Variants in ADAMTS3 observed in about 807,000 individuals in gnomAD.
ADAMTS3 encodes the protein A disintegrin and metalloproteinase with thrombospondin motifs 3.
Under a neutral mutation model 129.0 loss-of-function variants are expected in ADAMTS3, and 73 were observed. The ratio of observed to expected loss-of-function variants is 0.57; its 90% CI spans 0.47 to 0.69. The LOEUF is 0.69. ADAMTS3 is among the 30% of genes least tolerant of loss of function. The pLI, the probability that ADAMTS3 is intolerant of heterozygous loss-of-function variation, is 0.00. For missense variants in ADAMTS3, 1,457 were observed against 1,514.5 expected (o/e 0.96, Z 0.63); for synonymous variants, 477 against 510.8 (o/e 0.93, Z 0.89).
chr4:72,547,506 G>T (rs788911), intron 3 of ADAMTS3, among the ~76,000 whole-genome samples: 52,655 of 151,826 alleles, frequency 0.35, 9,452 homozygotes, highest in African/African-American at 0.43. Flanking sequence ...CCTTTCATGC[G>T]ATCATCTCAT....
intron 17 of ADAMTS3, among the ~76,000 whole-genome samples, chr4:72,299,442 T>A (rs1377565037): frequency 6.6e-6 from 1 of 152,224 alleles, no homozygotes; most frequent in Non-Finnish European, 1.5e-5. Flanking sequence ...TGTTAATAAG[T>A]GTGTGGTAAC....
At chr4:72,308,656 C>T (rs1719150652) in intron 15 of ADAMTS3, among the ~76,000 whole-genome samples, 1 of 151,850 alleles carries the variant, frequency 6.6e-6, no homozygotes, top group African/African-American at 2.4e-5. Context: ...AGAAATTATT[C>T]AGTAATAAAT....
chr4:72,567,547 C>G, intron 1 of ADAMTS3, 146 bp from the exon 2 acceptor site: 3 of 760,338 alleles, frequency 3.9e-6, no homozygotes, highest in South Asian at 3.8e-5. Context: ...AAGCCTGCAC[C>G]TTGGTTTGTA....
At chr4:72,430,615 C>T (rs565102339) in intron 3 of ADAMTS3, among the ~76,000 whole-genome samples, 3 of 151,922 alleles carry the variant, frequency 2.0e-5, no homozygotes, top group Non-Finnish European at 4.4e-5. Context: ...AATCCATGAA[C>T]ATAGTAAATT....
chr4:72,515,462 AG>A (rs1720442247), intron 3 of ADAMTS3, among the ~76,000 whole-genome samples: 3 of 151,674 alleles, frequency 2.0e-5, no homozygotes, highest in African/African-American at 7.3e-5. Flanking sequence ...ACAGTGTAAA[AG>A]TGTTCCTATT....
At chr4:72,492,694 T>C (rs1719778652) in intron 3 of ADAMTS3, among the ~76,000 whole-genome samples, 2 of 151,832 alleles carry the variant, frequency 1.3e-5, no homozygotes, top group Admixed American at 1.3e-4. Flanking sequence ...GCGTGAAAAG[T>C]TCTGTATACA....
At chr4:72,389,135 G>A (rs981585997) in intron 4 of ADAMTS3, among the ~76,000 whole-genome samples, 65 of 152,216 alleles carry the variant, frequency 4.3e-4, no homozygotes, top group Non-Finnish European at 2.5e-4. Flanking sequence ...CTGGGAATGC[G>A]AACCCTTCTA....
chr4:72,349,952 A>C (rs1382535900), intron 4 of ADAMTS3, among the ~76,000 whole-genome samples: 1 of 152,040 alleles, frequency 6.6e-6, no homozygotes, highest in Non-Finnish European at 1.5e-5. Flanking sequence ...TTTTTATATC[A>C]TACACAGTTA....
At chr4:72,421,888 G>A (rs1162182359) in intron 3 of ADAMTS3, among the ~76,000 whole-genome samples, 1 of 151,886 alleles carries the variant, frequency 6.6e-6, no homozygotes, top group Non-Finnish European at 1.5e-5. Context: ...ACTTAAGAAA[G>A]GAAAAAAATC....
intron 3 of ADAMTS3, among the ~76,000 whole-genome samples, chr4:72,524,642 G>T (rs1309959517): frequency 2.6e-5 from 4 of 152,042 alleles, no homozygotes; most frequent in Admixed American, 6.5e-5. Context: ...GTAAAGCTGA[G>T]ATTCAGACTA....
chr4:72,438,490 A>G (rs930372328), intron 3 of ADAMTS3, among the ~76,000 whole-genome samples: 7 of 151,802 alleles, frequency 4.6e-5, no homozygotes, highest in African/African-American at 1.7e-4. Flanking sequence ...AAAATTAGTG[A>G]TAAGAATGTC....
intron 4 of ADAMTS3, among the ~76,000 whole-genome samples, chr4:72,395,108 A>G (rs1362539508): frequency 1.3e-5 from 2 of 152,160 alleles, no homozygotes; most frequent in East Asian, 3.8e-4. Flanking sequence ...TATTTTTAGT[A>G]GAGATGGGGT....
At chr4:72,447,416 A>G (rs1297945512) in intron 3 of ADAMTS3, among the ~76,000 whole-genome samples, 1 of 151,776 alleles carries the variant, frequency 6.6e-6, no homozygotes. Flanking sequence ...AACAAATACT[A>G]TGATCTCAGC....
At chr4:72,530,770 ATAT>A (rs1721014435) in intron 3 of ADAMTS3, among the ~76,000 whole-genome samples, 2 of 1,322 alleles carry the variant, frequency 1.5e-3, no homozygotes, top group South Asian at 0.083. Flanking sequence ...TATATAGATT[ATAT>A]ATATTATATT....
At chr4:72,294,760 C>G (rs73824523) in intron 19 of ADAMTS3, among the ~76,000 whole-genome samples, 1 of 152,004 alleles carries the variant, frequency 6.6e-6, no homozygotes, top group Non-Finnish European at 1.5e-5. Context: ...TGGCAACTGA[C>G]TTTTCAACAG....
intron 21 of ADAMTS3, among the ~76,000 whole-genome samples, chr4:72,287,615 A>G (rs1020348640): frequency 1.3e-5 from 2 of 152,094 alleles, no homozygotes; most frequent in African/African-American, 4.8e-5. Flanking sequence ...AAGGACAGCA[A>G]GAAGAAAGAG....
At chr4:72,443,515 C>T (rs1718172870) in intron 3 of ADAMTS3, among the ~76,000 whole-genome samples, 1 of 151,640 alleles carries the variant, frequency 6.6e-6, no homozygotes, top group Admixed American at 6.6e-5. Flanking sequence ...CTAACAATGG[C>T]TAGATTCTCA....
At chr4:72,526,702 CAT>C (rs1416531984) in intron 3 of ADAMTS3, among the ~76,000 whole-genome samples, 1 of 133,200 alleles carries the variant, frequency 7.5e-6, no homozygotes, top group East Asian at 2.2e-4. Context: ...ACACTACACA[CAT>C]ATATAGAGAC....
chr4:72,319,520 CCTTCACTTAATTTTGGTTTTGAAAAT>C, intron 8 of ADAMTS3, 45 bp from the exon 9 acceptor site: 1 of 1,560,030 alleles, frequency 6.4e-7, no homozygotes, highest in East Asian at 2.3e-5. Context: ...GGGGCTACTG[CCTTCACTTAATTTTGGTTTTGAAAAT>C]AAGCCCTGGG....
Sources: gnomAD v4.1 joint callset for allele counts (sites outside exome capture counted in the v4.1 genomes callset) on GRCh38, gnomAD v4.1.1 for gene constraint, MANE v1.5 for transcripts, NCBI Gene and HGNC (gene_info 2026-07-23, HGNC 2026-07-21) for gene names.